Variants in DPP10 observed in about 807,000 individuals in gnomAD.
DPP10 encodes dipeptidyl peptidase like 10.
In DPP10, 33 loss-of-function variants were observed where a neutral mutation model predicts 120.9. The ratio of observed to expected loss-of-function variants is 0.27; its 90% CI spans 0.21 to 0.37. The LOEUF (loss-of-function observed/expected upper bound fraction) is 0.37. Ranked by LOEUF, DPP10 falls within the 10% of genes least tolerant of loss-of-function variation. The probability of loss-of-function intolerance (pLI) is 1.00; values close to 1 mark genes in which losing one functional copy is unlikely to be tolerated. For missense variants in DPP10, 816 were observed against 942.8 expected, an observed-to-expected ratio of 0.87 and a Z score of 1.76; for synonymous variants, 337 against 326.1, an observed-to-expected ratio of 1.03 and a Z score of -0.36.
At chr2:114,615,332 A>G (rs1308181043) in intron 1 of DPP10, among the ~76,000 whole-genome samples, 1 of 152,128 alleles carries the variant, frequency 6.6e-6, no homozygotes, top group Non-Finnish European at 1.5e-5. Context: ...GTTGTCTCTA[A>G]TATTGGCCAC....
intron 1 of DPP10, among the ~76,000 whole-genome samples, chr2:114,632,794 G>A (rs572238617): frequency 4.5e-4 from 69 of 152,282 alleles, no homozygotes; most frequent in Non-Finnish European, 4.6e-4. Context: ...TTACAGGCGT[G>A]AGCCACTGTG....
intron 1 of DPP10, among the ~76,000 whole-genome samples, chr2:114,862,611 A>G (rs1435515497): frequency 1.3e-5 from 2 of 152,200 alleles, no homozygotes; most frequent in Non-Finnish European, 1.5e-5. Flanking sequence ...GTTAAACCTA[A>G]AAAAGAGCAA....
At chr2:115,668,742 G>A (rs963947069) in intron 5 of DPP10, among the ~76,000 whole-genome samples, 2 of 151,986 alleles carry the variant, frequency 1.3e-5, no homozygotes, top group East Asian at 1.9e-4. Context: ...AGAGAAGGTC[G>A]TTCTTTCCAC....
chr2:115,472,312 C>T (rs2074780599), intron 3 of DPP10, among the ~76,000 whole-genome samples: 1 of 152,062 alleles, frequency 6.6e-6, no homozygotes, highest in South Asian at 2.1e-4. Flanking sequence ...TTGAAGAGGT[C>T]TGTGACAGGA....
At chr2:115,242,408 G>A (rs1282362366) in intron 1 of DPP10, among the ~76,000 whole-genome samples, 1 of 151,796 alleles carries the variant, frequency 6.6e-6, no homozygotes, top group South Asian at 2.1e-4. Context: ...TCCACTCATC[G>A]ATTGATGGGC....
chr2:115,131,491 C>A (rs924981017), intron 1 of DPP10, among the ~76,000 whole-genome samples: 16 of 151,792 alleles, frequency 1.1e-4, no homozygotes, highest in African/African-American at 3.1e-4. Flanking sequence ...CCTGCCTGGG[C>A]CATAAAGCAA....
intron 1 of DPP10, among the ~76,000 whole-genome samples, chr2:114,642,043 G>A (rs1695746002): frequency 6.6e-6 from 1 of 151,938 alleles, no homozygotes; most frequent in African/African-American, 2.4e-5. Context: ...ATAATTTTAA[G>A]TCTTTGCCTG....
intron 5 of DPP10, among the ~76,000 whole-genome samples, chr2:115,647,762 A>G (rs2149367780): frequency 6.6e-6 from 1 of 152,300 alleles, no homozygotes; most frequent in African/African-American, 2.4e-5. Context: ...AGAAAGGGCA[A>G]CTAGGGCAAG....
At chr2:115,773,165 T>A (rs1282077470) in intron 13 of DPP10, among the ~76,000 whole-genome samples, 1 of 152,140 alleles carries the variant, frequency 6.6e-6, no homozygotes, top group Non-Finnish European at 1.5e-5. Flanking sequence ...GGTGAATAGA[T>A]GGCAAATTAA....
At chr2:115,643,331 A>G (rs2086945080) in intron 5 of DPP10, among the ~76,000 whole-genome samples, 1 of 152,186 alleles carries the variant, frequency 6.6e-6, no homozygotes, top group Admixed American at 6.5e-5. Context: ...GCTGCAATAG[A>G]GAGATTAAAG....
intron 1 of DPP10, among the ~76,000 whole-genome samples, chr2:114,905,754 C>G (rs987031491): frequency 2.0e-5 from 3 of 152,096 alleles, no homozygotes; most frequent in Admixed American, 2.0e-4. Context: ...CATTATATTG[C>G]CCAGACTGGT....
At chr2:114,767,678 C>T (rs72830395) in intron 1 of DPP10, among the ~76,000 whole-genome samples, 1 of 152,242 alleles carries the variant, frequency 6.6e-6, no homozygotes, top group South Asian at 2.1e-4. Context: ...ATACTCACCC[C>T]GGTGAAATCA....
intron 7 of DPP10, among the ~76,000 whole-genome samples, chr2:115,726,593 T>G (rs939570707): frequency 2.0e-5 from 3 of 152,130 alleles, no homozygotes; most frequent in Non-Finnish European, 4.4e-5. Context: ...TTTATTTATT[T>G]TTAAATTCTT....
chr2:115,215,078 G>T (rs1381294094), intron 1 of DPP10, among the ~76,000 whole-genome samples: 1 of 152,146 alleles, frequency 6.6e-6, no homozygotes, highest in African/African-American at 2.4e-5. Flanking sequence ...TTCATACAAG[G>T]TAATTTGCGT....
intron 7 of DPP10, among the ~76,000 whole-genome samples, chr2:115,705,233 C>A (rs1323528212): frequency 2.6e-4 from 39 of 151,928 alleles, no homozygotes; most frequent in Non-Finnish European, 5.9e-5. Flanking sequence ...TAGCACTTTT[C>A]AAACATATCT....
chr2:115,380,113 C>G (rs188196107), intron 3 of DPP10, among the ~76,000 whole-genome samples: 8 of 152,046 alleles, frequency 5.3e-5, no homozygotes. Context: ...TCCTTGTTGA[C>G]TTTCTGTCTC....
intron 5 of DPP10, among the ~76,000 whole-genome samples, chr2:115,689,041 C>T (rs2091165418): frequency 6.6e-6 from 1 of 152,098 alleles, no homozygotes; most frequent in Non-Finnish European, 1.5e-5. Context: ...AGGTAATAGA[C>T]ACCTGTATCT....
Position 115,642,700 on chromosome 2 carries a change from C to T in DPP10, c.442-46987C>T, listed in dbSNP as rs145797774. On this transcript the variant is annotated intron_variant, in intron 5 of 25. Coordinates refer to ENST00000410059, the MANE Select transcript of DPP10 (RefSeq NM_020868.6). ...CCTCTCAGTATCTCATACACACATACGTACAAATATATGTGTGTTTACATA... is the reference window on the plus strand; with the variant it reads ...CCTCTCAGTATCTCATACACACATATGTACAAATATATGTGTGTTTACATA... Among the ~76,000 whole-genome samples, 672 of 152,054 alleles carry T rather than the reference C, an allele frequency of 4.4e-3. 2 individuals are homozygous for T. Among genetic ancestry groups the T allele is most frequent in the Non-Finnish European group, 7.9e-3 (534 of 67,996 alleles).
chr2:115,670,362 T>C (rs1015859965), intron 5 of DPP10, among the ~76,000 whole-genome samples: 4 of 152,150 alleles, frequency 2.6e-5, no homozygotes, highest in Admixed American at 2.0e-4. Context: ...ATTTACTTGA[T>C]ATTTCAGAAA....
Sources: allele counts gnomAD v4.1 joint callset (sites outside exome capture counted in the v4.1 genomes callset), GRCh38; gene constraint gnomAD v4.1.1; transcripts MANE v1.5; gene names NCBI Gene and HGNC (gene_info 2026-07-23, HGNC 2026-07-21).